EPHB1: variants seen among roughly 807,000 people sequenced by gnomAD.
The protein encoded by EPHB1 is ephrin type-B receptor 1.
In EPHB1, 30 loss-of-function variants were observed where a neutral mutation model predicts 94.4. That is an observed-to-expected ratio of 0.32 (90% CI 0.24 to 0.43). EPHB1 has a LOEUF of 0.43. Among genes scored for constraint, EPHB1 ranks in the 20% least tolerant of loss-of-function variants. The pLI, the probability that EPHB1 is intolerant of heterozygous loss-of-function variation, is 1.00. For synonymous variants in EPHB1, 522 were observed against 489.1 expected (o/e 1.07, Z -0.89); for missense variants, 1,055 against 1,308.3 (o/e 0.81, Z 2.99).
intron 13 of EPHB1, among the ~76,000 whole-genome samples, chr3:135,244,136 C>G (rs36110000): frequency 6.6e-6 from 1 of 152,198 alleles, no homozygotes; most frequent in Non-Finnish European, 1.5e-5. Context: ...CAGAGAGCAC[C>G]TGGGGTCAGA....
At chr3:135,086,319 A>G (rs1479675024) in intron 3 of EPHB1, among the ~76,000 whole-genome samples, 17 of 149,676 alleles carry the variant, frequency 1.1e-4, no homozygotes, top group Non-Finnish European at 3.0e-5. Context: ...ACACCTCAAG[A>G]GAAACTCAGA....
intron 3 of EPHB1, among the ~76,000 whole-genome samples, chr3:135,049,534 T>C (rs1297920054): frequency 6.6e-6 from 1 of 152,216 alleles, no homozygotes; most frequent in Non-Finnish European, 1.5e-5. Flanking sequence ...TGGCTGGATT[T>C]CAAAATGGAG....
At position 134,806,000 on chromosome 3, in the gene EPHB1, C is replaced by T. The variant is rs556680125; in HGVS notation, c.58+10311C>T. Among the ~76,000 whole-genome samples, 127 of 152,286 alleles carry T rather than the reference C, an allele frequency of 8.3e-4. 1 individual carries two copies. Among genetic ancestry groups the T allele is most frequent in the African/African-American group, 2.9e-3 (121 of 41,558 alleles). On this transcript the variant is annotated intron_variant, in intron 1 of 15. Coordinates refer to ENST00000398015, the MANE Select transcript of EPHB1 (RefSeq NM_004441.5). The stretch of plus-strand genomic sequence containing the variant: ...TTGTCATGGCATCCCCAGCACATAG[C>T]ACCCCCAGCACATGGCACATAGGAG...
Position 135,061,364 on chromosome 3 carries a change from G to GACA in EPHB1, c.806-45082_806-45081insAAC, listed in dbSNP as rs1553727839. Among the ~76,000 whole-genome samples the GACA allele has an allele frequency of 1.2e-3, 46 of 37,630 alleles. 1 individual carries two copies. Among genetic ancestry groups the GACA allele is most frequent in the Non-Finnish European group, 3.4e-3 (42 of 12,336 alleles). 24.7% of individuals were successfully genotyped at this position (37,630 alleles called of 152,430 possible). ...CATAGCTTAGCTCCCACTTAGGAATGACCACCCCCCCCGACCCAAGTCCCC... is the reference window on the plus strand; with the variant it reads ...CATAGCTTAGCTCCCACTTAGGAATGACAACCACCCCCCCCGACCCAAGTCCCC... On this transcript the variant is annotated intron_variant, in intron 3 of 15. Transcript: ENST00000398015.
intron 5 of EPHB1, among the ~76,000 whole-genome samples, chr3:135,145,360 C>T (rs947333872): frequency 1.3e-5 from 2 of 152,136 alleles, no homozygotes; most frequent in African/African-American, 4.8e-5. Flanking sequence ...GCCAGCCAGC[C>T]CAATCCTTCA....
chr3:134,952,746 G>C (rs1229042777), intron 3 of EPHB1, among the ~76,000 whole-genome samples: 1 of 152,166 alleles, frequency 6.6e-6, no homozygotes, highest in Non-Finnish European at 1.5e-5. Context: ...AAAATGTCAG[G>C]ATACTGTGTG....
chr3:134,795,585 G>A lies in EPHB1; in HGVS notation c.-47G>A, dbSNP rs1423659569. The A allele has an allele frequency of 2.5e-6, 4 of 1,588,506 alleles. No individual in the cohort carries two copies. The highest frequency in any genetic ancestry group is 2.6e-6 in the Non-Finnish European group (3 of 1,166,268). On this transcript the variant is annotated 5_prime_UTR_variant, in exon 1 of 16. Coordinates refer to ENST00000398015, the MANE Select transcript of EPHB1 (RefSeq NM_004441.5). The stretch of plus-strand genomic sequence containing the variant: ...CGCCCTGGGACGCGGCGCTCTCCCG[G>A]CGCTGCTGCCTCGGCTTGGTCTCGG...
At chr3:135,084,824 A>T (rs760249948) in intron 3 of EPHB1, among the ~76,000 whole-genome samples, 1 of 152,200 alleles carries the variant, frequency 6.6e-6, no homozygotes, top group Non-Finnish European at 1.5e-5. Flanking sequence ...ACTTATCATG[A>T]TGGATGTTTG....
At chr3:135,196,336 A>G (rs1942615486) in intron 11 of EPHB1, among the ~76,000 whole-genome samples, 1 of 152,106 alleles carries the variant, frequency 6.6e-6, no homozygotes, top group East Asian at 1.9e-4. Context: ...CATGTTGGAC[A>G]CCAGCATTTC....
At chr3:134,983,031 G>C (rs573292647) in intron 3 of EPHB1, among the ~76,000 whole-genome samples, 1 of 152,282 alleles carries the variant, frequency 6.6e-6, no homozygotes, top group East Asian at 1.9e-4. Flanking sequence ...GTTCTTATCT[G>C]GTGCCGGAGC....
At chr3:134,917,788 C>T (rs1289859881) in intron 1 of EPHB1, among the ~76,000 whole-genome samples, 1 of 152,234 alleles carries the variant, frequency 6.6e-6, no homozygotes, top group Non-Finnish European at 1.5e-5. Context: ...ACACATCAAC[C>T]AGTGGAGACT....
At chr3:135,227,794 G>A (rs1209927102) in intron 12 of EPHB1, among the ~76,000 whole-genome samples, 1 of 152,036 alleles carries the variant, frequency 6.6e-6, no homozygotes, top group Non-Finnish European at 1.5e-5. Context: ...GAATAATACA[G>A]ACAACACTCA....
At chr3:135,058,394 G>A (rs1351455020) in intron 3 of EPHB1, among the ~76,000 whole-genome samples, 1 of 152,182 alleles carries the variant, frequency 6.6e-6, no homozygotes, top group African/African-American at 2.4e-5. Flanking sequence ...ATGGGCCCCT[G>A]TACATCCTGG....
intron 3 of EPHB1, among the ~76,000 whole-genome samples, chr3:135,097,626 A>G (rs1938853219): frequency 6.6e-6 from 1 of 152,176 alleles, no homozygotes; most frequent in African/African-American, 2.4e-5. Context: ...ACTTAATAGC[A>G]CAGTAAGTTA....
intron 2 of EPHB1, among the ~76,000 whole-genome samples, chr3:134,949,644 A>G (rs1932937193): frequency 6.6e-6 from 1 of 152,232 alleles, no homozygotes; most frequent in African/African-American, 2.4e-5. Flanking sequence ...AGATACTGGT[A>G]TGATTTGGTT....
intron 3 of EPHB1, among the ~76,000 whole-genome samples, chr3:134,989,474 C>T (rs1033601669): frequency 6.5e-4 from 96 of 147,846 alleles, no homozygotes; most frequent in Non-Finnish European, 3.3e-4. Context: ...TCAATACACA[C>T]GCCTGCACAC....
rs370269923 is a variant in EPHB1, at chr3:134,951,772, C to T, written c.525C>T (p.Leu175=). The T allele has an allele frequency of 2.5e-5, 40 of 1,613,906 alleles. No homozygotes were observed. Among genetic ancestry groups the T allele is most frequent in the East Asian group, 6.7e-5 (3 of 44,902 alleles). The change falls in exon 3 of 16, where the codon CTC becomes CTT. Residue 175 remains leucine (L), a synonymous_variant. Coordinates refer to ENST00000398015, the MANE Select transcript of EPHB1 (RefSeq NM_004441.5). The surrounding 1 kb of genome is among the most constrained non-coding windows in gnomAD (Gnocchi z 4.5). ...FGPLTRNGFY[L]AFQDYGACMS... ...CTCTTACTCGGAATGGTTTTTACCT[C>T]GCTTTTCAGGATTATGGAGCCTGTA...
At chr3:135,152,549 A>G (rs1941225468) in intron 5 of EPHB1, among the ~76,000 whole-genome samples, 1 of 152,220 alleles carries the variant, frequency 6.6e-6, no homozygotes, top group Non-Finnish European at 1.5e-5. Context: ...TGGGAAAGCC[A>G]TCAGACCATA....
At chr3:135,098,611 CT>C (rs920514056) in intron 3 of EPHB1, among the ~76,000 whole-genome samples, 2 of 151,114 alleles carry the variant, frequency 1.3e-5, no homozygotes, top group Non-Finnish European at 3.0e-5. Flanking sequence ...CACCTGCTTG[CT>C]TTTTTTTTCT....
Sources: gnomAD v4.1 joint callset for allele counts (sites outside exome capture counted in the v4.1 genomes callset) on GRCh38, gnomAD v4.1.1 for gene constraint, Gnocchi (gnomAD v3.1) non-coding constraint, MANE v1.5 for transcripts, NCBI Gene and HGNC (gene_info 2026-07-23, HGNC 2026-07-21) for gene names.